The following KITLG variants were observed in gnomAD, a reference collection of about 807,000 sequenced individuals.
KITLG encodes c-Kit ligand.
Under a neutral mutation model 34.1 loss-of-function variants are expected in KITLG, and 13 were observed. The ratio of observed to expected loss-of-function variants is 0.38; its 90% confidence interval spans 0.25 to 0.61. The LOEUF (loss-of-function observed/expected upper bound fraction) is 0.61. Among genes scored for constraint, KITLG ranks in the 20% least tolerant of loss-of-function variants. KITLG has a pLI of 0.60. For missense variants in KITLG, 292 were observed against 318.9 expected (o/e 0.92, Z 0.64); for synonymous variants, 110 against 104.0 (o/e 1.06, Z -0.35).
chr12:88,515,428 C>G lies in KITLG; in HGVS notation c.604+106G>C. The G allele has an allele frequency of 6.9e-6, 5 of 721,116 alleles. No homozygotes were observed. In the South Asian group the frequency reaches 7.5e-5, roughly 11 times the overall value. The allele number at this position is 721,116 out of a possible 1,614,324, so 44.7% of individuals were successfully genotyped here. A position where few individuals can be genotyped will look rare whatever the true frequency, so the allele number is the denominator to read the frequency against. On this transcript the variant is annotated intron_variant, in intron 6 of 9. Coordinates refer to ENST00000644744, the MANE Select transcript of KITLG (RefSeq NM_000899.5). ...CATAAAAGGAATAACAGTAACAGAA[C>G]AGTATCAATAATAATAAATGTAGAA...
intron 3 of KITLG, among the ~76,000 whole-genome samples, chr12:88,524,863 T>C (rs542764747): frequency 1.9e-4 from 29 of 152,304 alleles, no homozygotes; most frequent in Non-Finnish European, 3.7e-4. Context: ...GGCAGATAAA[T>C]AGTTGACTAC....
At chr12:88,575,468 C>A (rs772741740) in intron 1 of KITLG, among the ~76,000 whole-genome samples, 3 of 152,152 alleles carry the variant, frequency 2.0e-5, no homozygotes, top group African/African-American at 4.8e-5. Context: ...GAGATCATGA[C>A]AATTCTCTTA....
chr12:88,578,070 C>A (rs1171069464), intron 1 of KITLG, among the ~76,000 whole-genome samples: 1 of 152,116 alleles, frequency 6.6e-6, no homozygotes, highest in East Asian at 1.9e-4. Context: ...TCTTAATGTC[C>A]AATTTACATA....
chr12:88,507,428 G>A (rs980539643), intron 6 of KITLG, among the ~76,000 whole-genome samples: 1 of 152,116 alleles, frequency 6.6e-6, no homozygotes, highest in African/African-American at 2.4e-5. Flanking sequence ...TTTCTGGGGG[G>A]AAAATGACTT....
intron 1 of KITLG, among the ~76,000 whole-genome samples, chr12:88,560,989 A>G (rs7969852): frequency 1.4e-3 from 206 of 150,626 alleles, no homozygotes; most frequent in East Asian, 5.6e-3. Flanking sequence ...AAAAAAAAAA[A>G]AAAAGAAAGA....
intron 8 of KITLG, among the ~76,000 whole-genome samples, chr12:88,505,814 G>A (rs1050167812): frequency 2.0e-5 from 3 of 152,204 alleles, no homozygotes; most frequent in Non-Finnish European, 4.4e-5. Flanking sequence ...GTTTACAGAA[G>A]AGTGTGACTA....
At chr12:88,538,982 C>T (rs933030305) in intron 2 of KITLG, among the ~76,000 whole-genome samples, 3 of 152,196 alleles carry the variant, frequency 2.0e-5, no homozygotes, top group Admixed American at 1.3e-4. Context: ...ACTGGAAAAA[C>T]ATCCATGGGA....
chr12:88,579,300 T>TG (rs763738500), intron 1 of KITLG, among the ~76,000 whole-genome samples: 2 of 152,056 alleles, frequency 1.3e-5, no homozygotes, highest in East Asian at 1.9e-4. Context: ...ACAGAACCTC[T>TG]GGGGGGTGAA....
intron 1 of KITLG, among the ~76,000 whole-genome samples, chr12:88,549,152 C>T (rs1870812397): frequency 6.6e-6 from 1 of 152,072 alleles, no homozygotes; most frequent in South Asian, 2.1e-4. Context: ...AATTAGGGAG[C>T]AGTAGAAGAT....
chr12:88,508,465 A>G (rs542390619), intron 6 of KITLG, among the ~76,000 whole-genome samples: 1 of 152,218 alleles, frequency 6.6e-6, no homozygotes, highest in African/African-American at 2.4e-5. Context: ...TTCCTCTACC[A>G]TATGTGAACT....
intron 1 of KITLG, among the ~76,000 whole-genome samples, chr12:88,561,630 A>G (rs761132035): frequency 7.2e-5 from 11 of 152,158 alleles, no homozygotes; most frequent in Admixed American, 1.3e-4. Flanking sequence ...AAATCTCCCA[A>G]TGCCTTCCCA....
At chr12:88,513,972 C>T (rs1243048449) in intron 6 of KITLG, among the ~76,000 whole-genome samples, 1 of 151,498 alleles carries the variant, frequency 6.6e-6, no homozygotes, top group Non-Finnish European at 1.5e-5. Context: ...AGTTTCAGTA[C>T]ATTTCAAAAA....
At chr12:88,511,294 CTT>C (rs2120822197) in intron 6 of KITLG, among the ~76,000 whole-genome samples, 1 of 152,272 alleles carries the variant, frequency 6.6e-6, no homozygotes, top group East Asian at 1.9e-4. Context: ...TGAGGCAACT[CTT>C]TTCAGAAATT....
chr12:88,571,253 T>C (rs1871641290), intron 1 of KITLG, among the ~76,000 whole-genome samples: 1 of 152,224 alleles, frequency 6.6e-6, no homozygotes, highest in Non-Finnish European at 1.5e-5. Context: ...TAAGTGCCAG[T>C]TGCTGTGATG....
chr12:88,580,092 G>T, intron 1 of KITLG, 172 bp downstream of exon 1: 1 of 692,066 alleles, frequency 1.4e-6, no homozygotes, highest in Admixed American at 2.4e-5. Flanking sequence ...GGCTCACCCG[G>T]CTCGGCTCGG....
At chr12:88,544,103 T>A (rs113869886) in intron 2 of KITLG, among the ~76,000 whole-genome samples, 5 of 152,124 alleles carry the variant, frequency 3.3e-5, no homozygotes, top group African/African-American at 1.2e-4. Context: ...CTGACACTCA[T>A]TTCAGCTCTG....
At chr12:88,506,450 T>A in intron 7 of KITLG, 72 bp from the exon 8 acceptor site, 1 of 1,028,692 alleles carries the variant, frequency 9.7e-7, no homozygotes. Context: ...GTAAGTGGAC[T>A]CCACTTTTAT....
intron 2 of KITLG, among the ~76,000 whole-genome samples, chr12:88,541,336 A>C (rs113281387): frequency 6.6e-6 from 1 of 152,144 alleles, no homozygotes; most frequent in Admixed American, 6.6e-5. Context: ...TACGAGATGG[A>C]GATGGGACCT....
chr12:88,559,146 A>G (rs1871208346), intron 1 of KITLG, among the ~76,000 whole-genome samples: 1 of 152,248 alleles, frequency 6.6e-6, no homozygotes, highest in African/African-American at 2.4e-5. Flanking sequence ...TTCAATTGCC[A>G]TTCCAATATT....
Sources: allele counts gnomAD v4.1 joint callset (sites outside exome capture counted in the v4.1 genomes callset), GRCh38; gene constraint gnomAD v4.1.1; transcripts MANE v1.5; gene names NCBI Gene and HGNC (gene_info 2026-07-23, HGNC 2026-07-21).